The following PIK3C2G variants were observed in gnomAD, a reference collection of about 807,000 sequenced individuals.
PIK3C2G encodes phosphatidylinositol-4-phosphate 3-kinase catalytic subunit type 2 gamma, also known as phosphatidylinositol 3-kinase C2 domain-containing subunit gamma.
Under a neutral mutation model 181.1 loss-of-function variants are expected in PIK3C2G, and 168 were observed. The observed-to-expected ratio is 0.93, with a 90% CI of 0.82 to 1.05. The LOEUF is 1.05. Ranked by LOEUF, PIK3C2G falls within the 50% of genes least tolerant of loss-of-function variation. The pLI, the probability that PIK3C2G is intolerant of heterozygous loss-of-function variation, is 0.00. For missense variants in PIK3C2G, 1,869 were observed against 1,732.8 expected, an observed-to-expected ratio of 1.08 and a Z score of -1.40; for synonymous variants, 573 against 592.2, an observed-to-expected ratio of 0.97 and a Z score of 0.47.
chr12:18,720,860 A>G, the PIK3C2G span, among the ~76,000 whole-genome samples: 1 of 152,138 alleles, frequency 6.6e-6, no homozygotes, highest in African/African-American at 2.4e-5. Flanking sequence ...CTAAGCAGCC[A>G]TTAAGAATAA....
chr12:18,260,633 A>T (rs1948208577), upstream of PIK3C2G, among the ~76,000 whole-genome samples: 1 of 152,124 alleles, frequency 6.6e-6, no homozygotes, highest in Non-Finnish European at 1.5e-5. Flanking sequence ...CCTTCCATGT[A>T]AGAAATCATT....
chr12:18,552,323 T>A (rs1944776778), intron 26 of PIK3C2G, among the ~76,000 whole-genome samples: 1 of 152,178 alleles, frequency 6.6e-6, no homozygotes, highest in South Asian at 2.1e-4. Flanking sequence ...AATGATTTTA[T>A]ATCTTTTTTC....
chr12:18,684,019 C>T, the PIK3C2G span: 3 of 1,261,184 alleles, frequency 2.4e-6, no homozygotes, highest in Non-Finnish European at 2.2e-6. Context: ...CATAAAATTT[C>T]CTTTACATCC....
chr12:18,715,044 C>T, the PIK3C2G span, among the ~76,000 whole-genome samples: 1 of 151,488 alleles, frequency 6.6e-6, no homozygotes, highest in Non-Finnish European at 1.5e-5. Context: ...CATATGCAGT[C>T]CCTTTCTAGG....
intron 31 of PIK3C2G, among the ~76,000 whole-genome samples, chr12:18,626,383 T>G: frequency 6.6e-6 from 1 of 152,142 alleles, no homozygotes; most frequent in East Asian, 1.9e-4. Context: ...CTTGACAGTT[T>G]ATTTTAGCTA....
At chr12:18,651,390 T>C (rs1950511215), downstream of PIK3C2G, among the ~76,000 whole-genome samples, 1 of 152,280 alleles carries the variant, frequency 6.6e-6, no homozygotes, top group East Asian at 1.9e-4. Context: ...CTACACCACT[T>C]TTATCTTATG....
At chr12:18,641,838 C>A (rs1168591171) in intron 32 of PIK3C2G, among the ~76,000 whole-genome samples, 1 of 151,008 alleles carries the variant, frequency 6.6e-6, no homozygotes, top group Non-Finnish European at 1.5e-5. Flanking sequence ...CAACCTCCAC[C>A]TCCCAGATTC....
the PIK3C2G span, among the ~76,000 whole-genome samples, chr12:18,682,953 A>G: frequency 6.6e-6 from 1 of 152,018 alleles, no homozygotes; most frequent in Non-Finnish European, 1.5e-5. Context: ...AAGCTTATAA[A>G]TTCTAGTAAT....
chr12:18,629,877 C>T (rs530927757), intron 31 of PIK3C2G, among the ~76,000 whole-genome samples: 2 of 152,046 alleles, frequency 1.3e-5, no homozygotes, highest in Non-Finnish European at 2.9e-5. Context: ...AGAAATATTG[C>T]AATAGATAAC....
At chr12:18,363,705 C>T (rs1198728455) in intron 12 of PIK3C2G, among the ~76,000 whole-genome samples, 1 of 152,082 alleles carries the variant, frequency 6.6e-6, no homozygotes, top group African/African-American at 2.4e-5. Context: ...GACAGTTTGA[C>T]TCCCGGTATG....
downstream of PIK3C2G, chr12:18,648,459 A>G (rs978943086): frequency 1.0e-4 from 20 of 190,522 alleles, no homozygotes; most frequent in African/African-American, 4.6e-4. Context: ...CTTAAATTAT[A>G]TATACTTATA....
chr12:18,503,230 CT>C (rs949593375), intron 22 of PIK3C2G, 50 bp from the exon 23 acceptor site: 1 of 1,400,426 alleles, frequency 7.1e-7, no homozygotes, highest in Admixed American at 2.1e-5. Context: ...CTAAGGCTCC[CT>C]CATCTTGTGA....
intron 24 of PIK3C2G, among the ~76,000 whole-genome samples, chr12:18,530,766 T>C (rs111959090): frequency 0.01 from 1,538 of 152,162 alleles, 21 homozygotes; most frequent in African/African-American, 0.035. Flanking sequence ...TGTGTAGCAC[T>C]TCCCCCTCAC....
chr12:18,288,775 A>T (rs985774835), intron 3 of PIK3C2G, among the ~76,000 whole-genome samples: 2 of 152,148 alleles, frequency 1.3e-5, no homozygotes, highest in African/African-American at 4.8e-5. Context: ...CACAGACCAC[A>T]TTATTAGCTC....
At position 18,617,237 on chromosome 12, in the gene PIK3C2G, C is replaced by A. The variant is rs543433731; in HGVS notation, c.4182+7608C>A. On this transcript the variant is annotated intron_variant, in intron 31 of 32. Coordinates refer to ENST00000538779, the MANE Select transcript of PIK3C2G (RefSeq NM_001288772.2). ...AAGTGTGCATACAGAGAGATTACCT[C>A]AATAAAAGTGTCACCTATCATTCAA... 2.0e-5 allele frequency among the ~76,000 whole-genome samples: 3 copies of A among 152,076 alleles called. No homozygotes were observed. In the South Asian group the frequency reaches 6.2e-4, roughly 32 times the overall value.
intron 18 of PIK3C2G, among the ~76,000 whole-genome samples, chr12:18,470,352 G>GTCTC (rs1938342151): frequency 6.6e-6 from 1 of 152,026 alleles, no homozygotes; most frequent in Non-Finnish European, 1.5e-5. Flanking sequence ...AGGGTCCAGG[G>GTCTC]TCTCTAATAC....
chr12:18,562,559 C>G lies in PIK3C2G; in HGVS notation c.3591-144C>G, dbSNP rs1394625162. The G allele has an allele frequency of 1.0e-5, 6 of 574,250 alleles. No homozygotes were observed. In the South Asian group the frequency reaches 1.3e-4, roughly 13 times the overall value. The allele number at this position is 574,250 out of a possible 1,614,324, so 35.6% of individuals were successfully genotyped here. ...GCAAACTTGAAGTTTATACAAATAA[C>G]GTTTAATTGTTGGGCTCCAAATAAA... On this transcript the variant is annotated intron_variant, in intron 26 of 32. Transcript: ENST00000538779.
chr12:18,254,552 T>C (rs1430401144), intron 1 of PIK3C2G, among the ~76,000 whole-genome samples: 2 of 152,008 alleles, frequency 1.3e-5, no homozygotes, highest in Admixed American at 1.3e-4. Flanking sequence ...CACCTAAAAA[T>C]AGTCAGTTTG....
chr12:18,257,164 G>A (rs1351079681), upstream of PIK3C2G, among the ~76,000 whole-genome samples: 1 of 152,110 alleles, frequency 6.6e-6, no homozygotes, highest in African/African-American at 2.4e-5. Flanking sequence ...TAGACACATG[G>A]TCCTACCTCT....
Sources: gnomAD v4.1 joint callset for allele counts (sites outside exome capture counted in the v4.1 genomes callset) on GRCh38, gnomAD v4.1.1 for gene constraint, MANE v1.5 for transcripts, NCBI Gene and HGNC (gene_info 2026-07-23, HGNC 2026-07-21) for gene names.